Variants in PRKAG2 observed in about 807,000 individuals in gnomAD.
The protein encoded by PRKAG2 is protein kinase AMP-activated non-catalytic subunit gamma 2, also known as 5'-AMP-activated protein kinase subunit gamma-2.
Under a neutral mutation model 69.6 loss-of-function variants are expected in PRKAG2, and 26 were observed. The observed-to-expected ratio is 0.37, with a 90% CI of 0.27 to 0.52. The LOEUF (loss-of-function observed/expected upper bound fraction) is 0.52. Among genes scored for constraint, PRKAG2 ranks in the 20% least tolerant of loss-of-function variants. The pLI, the probability that PRKAG2 is intolerant of heterozygous loss-of-function variation, is 0.90. For synonymous variants in PRKAG2, 293 were observed against 285.0 expected, an observed-to-expected ratio of 1.03 and a Z score of -0.28; for missense variants, 557 against 740.0, an observed-to-expected ratio of 0.75 and a Z score of 2.87.
chr7:151,612,495 G>A (rs115082155), intron 5 of PRKAG2, among the ~76,000 whole-genome samples: 3,465 of 152,304 alleles, frequency 0.023, 133 homozygotes, highest in African/African-American at 0.079. Flanking sequence ...GCCTAGGCAA[G>A]ACACTGCCAC....
At chr7:151,652,073 G>T (rs1478636988) in intron 4 of PRKAG2, among the ~76,000 whole-genome samples, 1 of 152,186 alleles carries the variant, frequency 6.6e-6, no homozygotes, top group African/African-American at 2.4e-5. Context: ...TGAGGTGACA[G>T]ATACGTTAAT....
At chr7:151,559,669 G>C in intron 15 of PRKAG2, 1 of 985,224 alleles carries the variant, frequency 1.0e-6, no homozygotes, top group Non-Finnish European at 1.2e-6. Flanking sequence ...GTAAAAACTA[G>C]TCTTAACTGA....
At chr7:151,832,851 G>T (rs1017081529) in intron 1 of PRKAG2, among the ~76,000 whole-genome samples, 2 of 152,082 alleles carry the variant, frequency 1.3e-5, no homozygotes, top group African/African-American at 2.4e-5. Context: ...AGTTAGGACG[G>T]TGGCCATTTC....
At chr7:151,761,943 G>GT (rs1164339787) in intron 3 of PRKAG2, among the ~76,000 whole-genome samples, 7 of 152,190 alleles carry the variant, frequency 4.6e-5, no homozygotes, top group Middle Eastern at 3.2e-3. Context: ...GGGGACGCAC[G>GT]TTTTTCTTAA....
At chr7:151,643,874 A>G (rs1300326192) in intron 4 of PRKAG2, among the ~76,000 whole-genome samples, 2 of 152,250 alleles carry the variant, frequency 1.3e-5, no homozygotes, top group African/African-American at 4.8e-5. Flanking sequence ...TCATCAGTAC[A>G]ATTATACGAT....
At chr7:151,789,946 T>C (rs376761443) in intron 1 of PRKAG2, among the ~76,000 whole-genome samples, 2 of 152,150 alleles carry the variant, frequency 1.3e-5, no homozygotes, top group African/African-American at 2.4e-5. Flanking sequence ...TCTCCTCCTT[T>C]CAGCAACAGC....
At position 151,747,563 on chromosome 7, in the gene PRKAG2, A is replaced by AAAAACC. The variant is rs1554579985; in HGVS notation, c.466+33588_466+33589insGGTTTT. On this transcript the variant is annotated intron_variant, in intron 3 of 15. Coordinates refer to ENST00000287878, the MANE Select transcript of PRKAG2 (RefSeq NM_016203.4). ...TAGAGAGAGACTCCGTCTCAAAAAAAAACCAACCAACCAAACAAACAAAAA... is the reference window on the plus strand; with the variant it reads ...TAGAGAGAGACTCCGTCTCAAAAAAAAAAACCAACCAACCAACCAAACAAACAAAAA... Among the ~76,000 whole-genome samples the AAAAACC allele has an allele frequency of 1.0e-3, 154 of 151,214 alleles. 1 individual carries two copies. Among genetic ancestry groups the AAAAACC allele is most frequent in the Non-Finnish European group, 2.0e-3 (133 of 67,716 alleles).
At chr7:151,675,343 G>T in intron 4 of PRKAG2, 77 bp downstream of exon 4, 1 of 1,402,476 alleles carries the variant, frequency 7.1e-7, no homozygotes, top group Non-Finnish European at 1.0e-6. Flanking sequence ...CAGATAGACT[G>T]CTCAGCTTGG....
chr7:151,766,034 A>G (rs543243533), intron 3 of PRKAG2, among the ~76,000 whole-genome samples: 1 of 152,164 alleles, frequency 6.6e-6, no homozygotes, highest in Non-Finnish European at 1.5e-5. Flanking sequence ...CTCAGGTATT[A>G]TAGTATCTCC....
chr7:151,869,726 C>T (rs551712512), intron 1 of PRKAG2, among the ~76,000 whole-genome samples: 2 of 152,342 alleles, frequency 1.3e-5, no homozygotes, highest in South Asian at 2.1e-4. Context: ...GCCAATGTGC[C>T]GTGCCCCACT....
In PRKAG2 at chr7:151,873,274, T is replaced by C. The variant is rs116329425; in HGVS notation, c.114+3233A>G. Reference sequence around the variant, plus strand: ...TCCTTAGTGGGAGTATCACCCCCACTTCTACGTGACTCCTGCCTGCCATCT... The same window carrying C: ...TCCTTAGTGGGAGTATCACCCCCACCTCTACGTGACTCCTGCCTGCCATCT... On this transcript the variant is annotated intron_variant, in intron 1 of 15. Coordinates refer to ENST00000287878, the MANE Select transcript of PRKAG2 (RefSeq NM_016203.4). 5.6e-3 allele frequency among the ~76,000 whole-genome samples: 857 copies of C among 152,288 alleles called. 8 individuals carry two copies. Among genetic ancestry groups the C allele is most frequent in the African/African-American group, 0.019 (788 of 41,560 alleles).
chr7:151,846,755 C>T (rs2079442148), intron 1 of PRKAG2, among the ~76,000 whole-genome samples: 1 of 152,136 alleles, frequency 6.6e-6, no homozygotes, highest in South Asian at 2.1e-4. Context: ...AATGAATCCC[C>T]CTCTTATAAC....
In PRKAG2 at chr7:151,632,133, C is replaced by T. The variant is rs756008063; in HGVS notation, c.690G>A (p.Ala230=). The T allele has an allele frequency of 1.4e-6, 2 of 1,403,816 alleles. No homozygotes were observed. The highest frequency in any genetic ancestry group is 1.4e-5 in the South Asian group (1 of 70,612). 87.0% of individuals were successfully genotyped at this position (1,403,816 alleles called of 1,614,324 possible). ...PTHYAPSKAA[A]LAAALGPAEA... ...CCGCGGGTCCCAGGGCCGCCGCCAG[C>T]GCCGCCTGAGGGGGAGGAGGAGGAC... Residue 230 remains alanine (A), a synonymous_variant, in exon 5 of 16, where the codon GCG becomes GCA. Transcript: ENST00000287878. The surrounding 1 kb of genome is among the most constrained non-coding windows in gnomAD (Gnocchi z 4.2).
chr7:151,798,299 G>A (rs1485003318), intron 1 of PRKAG2, among the ~76,000 whole-genome samples: 2 of 152,002 alleles, frequency 1.3e-5, no homozygotes, highest in Non-Finnish European at 2.9e-5. Flanking sequence ...ACCGTGTCCG[G>A]CCTGTTTTTT....
chr7:151,676,861 C>T (rs1833020475), intron 3 of PRKAG2, among the ~76,000 whole-genome samples: 1 of 152,164 alleles, frequency 6.6e-6, no homozygotes, highest in Non-Finnish European at 1.5e-5. Context: ...GACACAGAAA[C>T]GGATACCCAG....
At chr7:151,578,962 T>C (rs778225493) in intron 6 of PRKAG2, among the ~76,000 whole-genome samples, 51 of 152,328 alleles carry the variant, frequency 3.3e-4, no homozygotes, top group Non-Finnish European at 5.3e-4. Context: ...TTTTCTAAAC[T>C]GGTTGGAATA....
Position 151,788,130 on chromosome 7 carries a change from C to T in PRKAG2, c.115-1589G>A, listed in dbSNP as rs565013727. Among the ~76,000 whole-genome samples, 1 of 152,340 alleles carries T rather than the reference C, an allele frequency of 6.6e-6. No homozygotes were observed. Among genetic ancestry groups the T allele is most frequent in the East Asian group, 1.9e-4 (1 of 5,186 alleles). ...CCAGTTATCCCCAGAAGTGGAACTG[C>T]TGGACATCAGGTCATCCTACTGTCA... On this transcript the variant is annotated intron_variant, in intron 1 of 15. Coordinates refer to ENST00000287878, the MANE Select transcript of PRKAG2 (RefSeq NM_016203.4). This position sits in a 1 kb window ranked among gnomAD's most constrained non-coding sequence, Gnocchi z 4.6.
intron 3 of PRKAG2, among the ~76,000 whole-genome samples, chr7:151,737,731 A>G (rs2073547168): frequency 6.6e-6 from 1 of 152,138 alleles, no homozygotes; most frequent in Non-Finnish European, 1.5e-5. Context: ...TACAGAGCTC[A>G]GTGCCACTGG....
At chr7:151,848,512 C>CTTTTT (rs1158559692) in intron 1 of PRKAG2, among the ~76,000 whole-genome samples, 1,207 of 62,266 alleles carry the variant, frequency 0.019, 288 homozygotes, top group East Asian at 0.074. Flanking sequence ...TACTGCATGT[C>CTTTTT]TTTTTTTTTT....
Sources: gnomAD v4.1 joint callset for allele counts (sites outside exome capture counted in the v4.1 genomes callset) on GRCh38, gnomAD v4.1.1 for gene constraint, Gnocchi (gnomAD v3.1) non-coding constraint, MANE v1.5 for transcripts, NCBI Gene and HGNC (gene_info 2026-07-23, HGNC 2026-07-21) for gene names.